Variants in KCNK1 observed in about 807,000 individuals in gnomAD.
KCNK1 encodes the protein potassium channel subfamily K member 1.
Under a neutral mutation model 22.2 loss-of-function variants are expected in KCNK1, and 10 were observed. The ratio of observed to expected loss-of-function variants is 0.45; its 90% CI spans 0.28 to 0.76. The LOEUF (loss-of-function observed/expected upper bound fraction) is 0.76. Ranked by LOEUF, KCNK1 falls within the 30% of genes least tolerant of loss-of-function variation. KCNK1 has a pLI of 0.14. For synonymous variants in KCNK1, 200 were observed against 186.4 expected (o/e 1.07, Z -0.60); for missense variants, 378 against 421.0 (o/e 0.90, Z 0.89).
intron 1 of KCNK1, among the ~76,000 whole-genome samples, chr1:233,639,575 G>A (rs765811842): frequency 2.0e-5 from 3 of 152,072 alleles, no homozygotes; most frequent in African/African-American, 7.2e-5. Flanking sequence ...GAATCCTAAC[G>A]TCTGACAAAG....
At chr1:233,667,133 T>C in intron 2 of KCNK1, 143 bp downstream of exon 2, 1 of 559,248 alleles carries the variant, frequency 1.8e-6, no homozygotes, top group Non-Finnish European at 2.7e-6. Flanking sequence ...AACCTCCGCC[T>C]TCCGGGTTCA....
intron 1 of KCNK1, among the ~76,000 whole-genome samples, chr1:233,664,134 G>T (rs189570564): frequency 2.0e-5 from 3 of 152,042 alleles, no homozygotes; most frequent in Non-Finnish European, 4.4e-5. Context: ...CCGGCCTTCA[G>T]TTGGCTTTTT....
intron 1 of KCNK1, among the ~76,000 whole-genome samples, chr1:233,634,879 G>A (rs1657871838): frequency 6.6e-6 from 1 of 152,170 alleles, no homozygotes; most frequent in Non-Finnish European, 1.5e-5. Context: ...GTATGAAGTG[G>A]TCATTATGTC....
chr1:233,622,621 T>A (rs1328054345), intron 1 of KCNK1, among the ~76,000 whole-genome samples: 1 of 152,186 alleles, frequency 6.6e-6, no homozygotes, highest in Non-Finnish European at 1.5e-5. Context: ...TGCAAGGTGA[T>A]GCCCCCGATC....
intron 2 of KCNK1, among the ~76,000 whole-genome samples, chr1:233,670,471 G>A (rs969177715): frequency 6.6e-6 from 1 of 152,178 alleles, no homozygotes; most frequent in Non-Finnish European, 1.5e-5. Context: ...AAAAGAAAGA[G>A]GTTTAATTGG....
intron 2 of KCNK1, among the ~76,000 whole-genome samples, chr1:233,667,547 G>A (rs1180025822): frequency 6.6e-6 from 1 of 151,660 alleles, no homozygotes; most frequent in Non-Finnish European, 1.5e-5. Flanking sequence ...TGGCTAACAC[G>A]GTGAAACCCC....
intron 1 of KCNK1, among the ~76,000 whole-genome samples, chr1:233,654,152 A>G (rs946098697): frequency 6.6e-6 from 1 of 151,318 alleles, no homozygotes; most frequent in African/African-American, 2.4e-5. Flanking sequence ...AAGGTCTCAG[A>G]GGGAAATGAG....
At chr1:233,667,684 C>T (rs558568404) in intron 2 of KCNK1, among the ~76,000 whole-genome samples, 2 of 138,028 alleles carry the variant, frequency 1.4e-5, no homozygotes, top group Admixed American at 7.8e-5. Context: ...GAGCCGAGAT[C>T]GCGCCACTGC....
chr1:233,664,898 T>TA (rs35436626), intron 1 of KCNK1, among the ~76,000 whole-genome samples: 25,024 of 152,132 alleles, frequency 0.16, 2,245 homozygotes, highest in Admixed American at 0.24. Flanking sequence ...CAATTTCATT[T>TA]AAAAAAAATG....
At chr1:233,647,477 G>A (rs140625667) in intron 1 of KCNK1, among the ~76,000 whole-genome samples, 38 of 152,264 alleles carry the variant, frequency 2.5e-4, no homozygotes, top group African/African-American at 8.4e-4. Context: ...TCAGAGGAGG[G>A]CACAGGAGCC....
intron 1 of KCNK1, among the ~76,000 whole-genome samples, chr1:233,634,986 GC>G (rs1657873911): frequency 1.3e-5 from 2 of 152,078 alleles, no homozygotes; most frequent in South Asian, 4.2e-4. Flanking sequence ...CTACTCCTTG[GC>G]CCAGCTCCAA....
chr1:233,666,786 C>T lies in KCNK1; in HGVS notation c.547C>T (p.His183Tyr). The T allele has an allele frequency of 6.2e-7, 1 of 1,614,220 alleles. No individual in the cohort carries two copies. Reference protein sequence around the residue: ...GFSKQVVAIVHAVLLGFVTVS... With the variant: ...GFSKQVVAIVYAVLLGFVTVS... Reference sequence around the variant, plus strand: ...CTCCAAGCAGGTGGTGGCCATCGTCCATGCCGTGCTCCTTGGGTTTGTCAC... The same window carrying T: ...CTCCAAGCAGGTGGTGGCCATCGTCTATGCCGTGCTCCTTGGGTTTGTCAC... Residue 183 changes from histidine (H) to tyrosine (Y), a missense_variant, in exon 2 of 3, where the codon CAT becomes TAT. Physicochemically the swap from His to Tyr is moderately conservative, Grantham distance 83 (BLOSUM62 2). Transcript: ENST00000366621.
intron 1 of KCNK1, among the ~76,000 whole-genome samples, chr1:233,629,235 T>C (rs562022611): frequency 6.6e-6 from 1 of 152,196 alleles, no homozygotes; most frequent in Admixed American, 6.5e-5. Context: ...TGGGACCCCA[T>C]GGTAATTGGG....
chr1:233,644,272 C>T (rs1658051986), intron 1 of KCNK1, among the ~76,000 whole-genome samples: 1 of 152,160 alleles, frequency 6.6e-6, no homozygotes, highest in Non-Finnish European at 1.5e-5. Context: ...GCCCCAACTC[C>T]CAACACTGTT....
intron 1 of KCNK1, among the ~76,000 whole-genome samples, chr1:233,615,529 G>C (rs373804260): frequency 6.6e-6 from 1 of 152,344 alleles, no homozygotes; most frequent in South Asian, 2.1e-4. Flanking sequence ...GTTCAGCACA[G>C]TCCCTTCTTT....
intron 2 of KCNK1, among the ~76,000 whole-genome samples, chr1:233,668,722 C>T (rs1658542565): frequency 6.6e-6 from 1 of 152,146 alleles, no homozygotes; most frequent in African/African-American, 2.4e-5. Flanking sequence ...TCTCCTGCCT[C>T]AGCCTCCCAA....
chr1:233,668,718 G>A (rs1658542535), intron 2 of KCNK1, among the ~76,000 whole-genome samples: 1 of 151,972 alleles, frequency 6.6e-6, no homozygotes. Flanking sequence ...CGATTCTCCT[G>A]CCTCAGCCTC....
intron 1 of KCNK1, among the ~76,000 whole-genome samples, chr1:233,663,740 C>T (rs1658440902): frequency 6.6e-6 from 1 of 152,072 alleles, no homozygotes; most frequent in Non-Finnish European, 1.5e-5. Flanking sequence ...TCTGTTTGAC[C>T]TTCTGGTCAT....
chr1:233,614,626 AC>A (rs1657450831), intron 1 of KCNK1, 100 bp downstream of exon 1: 14 of 663,066 alleles, frequency 2.1e-5, no homozygotes, highest in Admixed American at 5.7e-5. Flanking sequence ...CTCCCACCCC[AC>A]CCCCCACCTT....
Sources: allele counts gnomAD v4.1 joint callset (sites outside exome capture counted in the v4.1 genomes callset), GRCh38; gene constraint gnomAD v4.1.1; transcripts MANE v1.5; gene names NCBI Gene and HGNC (gene_info 2026-07-23, HGNC 2026-07-21).